The following RANBP2 variants were observed in gnomAD, a reference collection of about 807,000 sequenced individuals.
RANBP2 encodes RAN binding protein 2, also known as E3 SUMO-protein ligase RanBP2.
RANBP2 carries 57 observed loss-of-function variants against 303.6 expected under a neutral mutation model. The observed-to-expected ratio is 0.19, with a 90% confidence interval of 0.15 to 0.23. The LOEUF is 0.23. Among genes scored for constraint, RANBP2 ranks in the 10% least tolerant of loss-of-function variants. RANBP2 has a pLI of 1.00. For missense variants in RANBP2, 3,138 were observed against 3,780.8 expected, an observed-to-expected ratio of 0.83 and a Z score of 4.46; for synonymous variants, 1,167 against 1,301.5, an observed-to-expected ratio of 0.90 and a Z score of 2.23.
chr2:109,210,149 A>G, the RANBP2 span, among the ~76,000 whole-genome samples: 1 of 152,154 alleles, frequency 6.6e-6, no homozygotes, highest in Non-Finnish European at 1.5e-5. Context: ...TTCCTCCTTC[A>G]TGCTGAATAA....
chr2:108,763,689 G>T lies in RANBP2; in HGVS notation c.3150G>T (p.Gln1050His). The change falls in exon 20 of 29, where the codon CAG (glutamine) becomes CAT (histidine). Residue 1050 changes from glutamine to histidine, a missense_variant. Physicochemically the swap from Gln to His is conservative, Grantham distance 24. Coordinates refer to ENST00000283195, the MANE Select transcript of RANBP2 (RefSeq NM_006267.5). ...NDGDFTFSSPQVVTQPPPAAY... is the reference protein window; with the variant it reads ...NDGDFTFSSPHVVTQPPPAAY... ...GTGACTTCACGTTTTCCTCACCACA[G>T]GTTGTGACACAGCCCCCTCCTGCAG... is the stretch of plus-strand genomic sequence containing the variant. 4 of 1,614,084 alleles carry T rather than the reference G, an allele frequency of 2.5e-6. No homozygotes were observed. The highest frequency in any genetic ancestry group is 3.4e-6 in the Non-Finnish European group (4 of 1,179,986).
the RANBP2 span, among the ~76,000 whole-genome samples, chr2:109,401,088 A>G: frequency 6.6e-6 from 1 of 152,130 alleles, no homozygotes; most frequent in African/African-American, 2.4e-5. Context: ...GGCTCTTGGA[A>G]TAGTCTTGCT....
At chr2:109,610,527 C>G in the RANBP2 span, among the ~76,000 whole-genome samples, 4 of 152,102 alleles carry the variant, frequency 2.6e-5, no homozygotes, top group Admixed American at 2.6e-4. Context: ...CCAGCTTGAC[C>G]AACATGGAGA....
At chr2:109,218,721 G>A in the RANBP2 span, among the ~76,000 whole-genome samples, 2 of 152,148 alleles carry the variant, frequency 1.3e-5, no homozygotes, top group South Asian at 2.1e-4. Context: ...CTGGACTTTG[G>A]CACTTTGTTC....
chr2:109,587,729 C>T, the RANBP2 span, among the ~76,000 whole-genome samples: 10 of 152,006 alleles, frequency 6.6e-5, no homozygotes, highest in South Asian at 2.1e-4. Context: ...CTGGCTAACA[C>T]GGTGAAACCC....
chr2:109,629,997 T>G, the RANBP2 span, among the ~76,000 whole-genome samples: 3 of 151,994 alleles, frequency 2.0e-5, no homozygotes, highest in Admixed American at 2.0e-4. Flanking sequence ...CAGTCAGAAG[T>G]AAAATACAAC....
the RANBP2 span, among the ~76,000 whole-genome samples, chr2:108,808,962 A>G: frequency 6.6e-6 from 1 of 152,120 alleles, no homozygotes; most frequent in African/African-American, 2.4e-5. Flanking sequence ...CTTATATTTC[A>G]AAGTCTTTAA....
chr2:109,162,213 G>C, the RANBP2 span, among the ~76,000 whole-genome samples: 123,625 of 152,120 alleles, frequency 0.81, 50,415 homozygotes, highest in East Asian at 0.89. Context: ...GTGTGCCTAG[G>C]CTTGATCTCC....
chr2:109,638,911 G>A, the RANBP2 span, among the ~76,000 whole-genome samples: 1 of 152,156 alleles, frequency 6.6e-6, no homozygotes, highest in Non-Finnish European at 1.5e-5. Context: ...GGCATACATA[G>A]AGACTGGAGA....
the RANBP2 span, among the ~76,000 whole-genome samples, chr2:109,188,421 G>A: frequency 2.9e-4 from 44 of 152,306 alleles, no homozygotes; most frequent in East Asian, 9.7e-4. Flanking sequence ...GACCCCATGG[G>A]CCCAGCCATC....
At chr2:109,616,000 G>A in the RANBP2 span, 1 of 1,538,822 alleles carries the variant, frequency 6.5e-7, no homozygotes, top group East Asian at 2.3e-5. Flanking sequence ...GAGGGAGTGG[G>A]GGAGGAACGA....
At chr2:109,645,460 C>T in the RANBP2 span, among the ~76,000 whole-genome samples, 16 of 152,284 alleles carry the variant, frequency 1.1e-4, no homozygotes, top group East Asian at 2.9e-3. Flanking sequence ...CATTAGTAAG[C>T]GAAACTACGC....
At chr2:109,078,123 G>GTATA in the RANBP2 span, among the ~76,000 whole-genome samples, 1 of 45,448 alleles carries the variant, frequency 2.2e-5, no homozygotes, top group African/African-American at 8.7e-5. Flanking sequence ...TATATAGCGT[G>GTATA]TATATATATA....
the RANBP2 span, among the ~76,000 whole-genome samples, chr2:109,193,541 C>T: frequency 3.3e-5 from 5 of 152,070 alleles, no homozygotes; most frequent in African/African-American, 4.8e-5. Context: ...TCTTTCATTC[C>T]CCATGATGTT....
the RANBP2 span, among the ~76,000 whole-genome samples, chr2:108,934,971 T>C: frequency 6.6e-6 from 1 of 152,156 alleles, no homozygotes; most frequent in Non-Finnish European, 1.5e-5. Context: ...AGTTCAGGGG[T>C]TGTGAAGCCA....
At chr2:108,758,807 G>T (rs1340748091) in intron 18 of RANBP2, among the ~76,000 whole-genome samples, 3 of 151,958 alleles carry the variant, frequency 2.0e-5, no homozygotes, top group South Asian at 2.1e-4. Context: ...GAGCTGAGAT[G>T]AGATTATTCC....
the RANBP2 span, among the ~76,000 whole-genome samples, chr2:109,187,147 C>T: frequency 6.7e-6 from 1 of 149,796 alleles, no homozygotes; most frequent in Non-Finnish European, 1.5e-5. Context: ...GGACTCTGTC[C>T]CCACGGTGCT....
the RANBP2 span, among the ~76,000 whole-genome samples, chr2:109,282,824 G>A: frequency 6.6e-6 from 1 of 152,212 alleles, no homozygotes; most frequent in Admixed American, 6.5e-5. Flanking sequence ...CTGGCAGGCA[G>A]GAGGAGGTGG....
chr2:109,046,580 A>G, the RANBP2 span, among the ~76,000 whole-genome samples: 2 of 151,352 alleles, frequency 1.3e-5, no homozygotes. Context: ...CTAAATTTGT[A>G]TTTTGGCCAG....
Sources: allele counts gnomAD v4.1 joint callset (sites outside exome capture counted in the v4.1 genomes callset), GRCh38; gene constraint gnomAD v4.1.1; transcripts MANE v1.5; gene names NCBI Gene and HGNC (gene_info 2026-07-23, HGNC 2026-07-21).